The following TYW1 variants were observed in gnomAD, a reference collection of about 807,000 sequenced individuals.
The protein encoded by TYW1 is S-adenosyl-L-methionine-dependent tRNA 4-demethylwyosine synthase TYW1.
In TYW1, 46 loss-of-function variants were observed where a neutral mutation model predicts 96.2. The observed-to-expected ratio is 0.48, with a 90% CI of 0.38 to 0.61. The LOEUF (loss-of-function observed/expected upper bound fraction) is 0.61. TYW1 is among the 20% of genes least tolerant of loss of function. TYW1 has a pLI of 0.00. For missense variants in TYW1, 684 were observed against 909.6 expected (o/e 0.75, Z 3.19); for synonymous variants, 274 against 323.0 (o/e 0.85, Z 1.63).
At chr7:67,220,886 T>C (rs909827844) in intron 15 of TYW1, among the ~76,000 whole-genome samples, 1 of 152,004 alleles carries the variant, frequency 6.6e-6, no homozygotes, top group Non-Finnish European at 1.5e-5. Context: ...TACAGGCATG[T>C]GCCACCATGC....
chr7:66,997,076 T>G (rs13312451), intron 1 of TYW1, 94 bp downstream of exon 1: 17 of 1,590,172 alleles, frequency 1.1e-5, no homozygotes, highest in Non-Finnish European at 1.5e-5. Context: ...CCTCGGTCCC[T>G]TTCCTTCGGA....
chr7:67,107,567 C>T (rs1797279637), intron 12 of TYW1, among the ~76,000 whole-genome samples: 1 of 152,112 alleles, frequency 6.6e-6, no homozygotes, highest in Admixed American at 6.6e-5. Context: ...CCGCTTTCCT[C>T]ATTTGTAAAA....
intron 13 of TYW1, among the ~76,000 whole-genome samples, chr7:67,165,915 A>C (rs1056331094): frequency 6.6e-6 from 1 of 151,472 alleles, no homozygotes; most frequent in Non-Finnish European, 1.5e-5. Context: ...GGGCAACAGA[A>C]TGAGACCCTG....
chr7:67,083,090 G>T (rs191736753), intron 10 of TYW1, among the ~76,000 whole-genome samples: 2 of 152,246 alleles, frequency 1.3e-5, no homozygotes, highest in African/African-American at 4.8e-5. Context: ...AAGTGTCGAC[G>T]TAGATGACAG....
At chr7:67,009,779 A>T in intron 4 of TYW1, 95 bp downstream of exon 4, 1 of 1,116,196 alleles carries the variant, frequency 9.0e-7, no homozygotes, top group Non-Finnish European at 1.3e-6. Context: ...AATCTTCAGA[A>T]TAAATTTAAT....
At chr7:67,216,749 A>T (rs1801207309) in intron 15 of TYW1, among the ~76,000 whole-genome samples, 1 of 149,010 alleles carries the variant, frequency 6.7e-6, no homozygotes, top group South Asian at 2.2e-4. Flanking sequence ...CTTTAGCTGC[A>T]TCCCACAAAT....
chr7:67,014,887 G>C (rs147022874), intron 5 of TYW1, among the ~76,000 whole-genome samples: 1 of 151,840 alleles, frequency 6.6e-6, no homozygotes, highest in Non-Finnish European at 1.5e-5. Context: ...GTGCCACCAG[G>C]CTTGGCTAAT....
intron 10 of TYW1, among the ~76,000 whole-genome samples, chr7:67,072,628 G>T (rs1344345390): frequency 1.3e-5 from 2 of 151,940 alleles, no homozygotes. Context: ...TTAAACCTCG[G>T]TGAACATTTA....
intron 14 of TYW1, among the ~76,000 whole-genome samples, chr7:67,191,277 T>C (rs541351109): frequency 6.6e-6 from 1 of 152,316 alleles, no homozygotes; most frequent in East Asian, 1.9e-4. Flanking sequence ...AGCCACAGTA[T>C]AGCAGCCCCC....
intron 13 of TYW1, among the ~76,000 whole-genome samples, chr7:67,175,566 A>G (rs1413419385): frequency 1.3e-5 from 2 of 152,208 alleles, no homozygotes; most frequent in Non-Finnish European, 2.9e-5. Flanking sequence ...AAAGATCAAT[A>G]AACTAAATAC....
chr7:67,020,520 G>C (rs565254415), intron 6 of TYW1, among the ~76,000 whole-genome samples: 3 of 152,396 alleles, frequency 2.0e-5, no homozygotes, highest in Admixed American at 2.0e-4. Context: ...TTACAGACGT[G>C]AGCCATTGTG....
At chr7:67,079,200 G>GTGTT (rs1796306639) in intron 10 of TYW1, among the ~76,000 whole-genome samples, 1 of 140,122 alleles carries the variant, frequency 7.1e-6, no homozygotes, top group African/African-American at 2.6e-5. Flanking sequence ...GTGTGTGTGT[G>GTGTT]TTTTAGGTTT....
chr7:67,061,411 C>A (rs1470476255), intron 9 of TYW1, among the ~76,000 whole-genome samples: 2 of 152,140 alleles, frequency 1.3e-5, no homozygotes, highest in South Asian at 2.1e-4. Flanking sequence ...TACAGTTTTT[C>A]TATAGAGACA....
At chr7:67,135,022 G>A (rs1798200370) in intron 13 of TYW1, among the ~76,000 whole-genome samples, 1 of 151,022 alleles carries the variant, frequency 6.6e-6, no homozygotes, top group African/African-American at 2.4e-5. Context: ...TTAGGAGGCT[G>A]AGGTGGGAGG....
intron 10 of TYW1, 146 bp downstream of exon 10, chr7:67,067,549 T>A: frequency 4.2e-6 from 4 of 948,852 alleles, no homozygotes; most frequent in Non-Finnish European, 6.3e-6. Flanking sequence ...ATAAAAATTT[T>A]GTAGACAAAT....
At chr7:67,166,945 C>A (rs1413197684) in intron 13 of TYW1, among the ~76,000 whole-genome samples, 1 of 152,164 alleles carries the variant, frequency 6.6e-6, no homozygotes. Context: ...TAGTGCCAGA[C>A]AATCGCACGG....
At chr7:67,141,786 G>A (rs1276141539) in intron 13 of TYW1, among the ~76,000 whole-genome samples, 13 of 152,114 alleles carry the variant, frequency 8.5e-5, no homozygotes, top group Admixed American at 3.3e-4. Flanking sequence ...CTGTAATCCC[G>A]GCACTTTGGG....
intron 15 of TYW1, among the ~76,000 whole-genome samples, chr7:67,203,320 CATT>C (rs1563069573): frequency 6.6e-6 from 1 of 152,190 alleles, no homozygotes; most frequent in African/African-American, 2.4e-5. Context: ...CTGCCTGTAT[CATT>C]ATATTTGAAG....
At chr7:67,165,375 T>C (rs1799287537) in intron 13 of TYW1, among the ~76,000 whole-genome samples, 1 of 151,922 alleles carries the variant, frequency 6.6e-6, no homozygotes, top group Non-Finnish European at 1.5e-5. Context: ...GCTGCCTAAT[T>C]AGAAGCAACA....
Sources: allele counts gnomAD v4.1 joint callset (sites outside exome capture counted in the v4.1 genomes callset), GRCh38; gene constraint gnomAD v4.1.1; transcripts MANE v1.5; gene names NCBI Gene and HGNC (gene_info 2026-07-23, HGNC 2026-07-21).